ANK3: variants seen among roughly 807,000 people sequenced by gnomAD.
The protein encoded by ANK3 is ankyrin 3, also known as ankyrin-3.
In ANK3, 57 loss-of-function variants were observed where a neutral mutation model predicts 370.9. That is an observed-to-expected ratio of 0.15 (90% CI 0.12 to 0.19). ANK3 has a LOEUF of 0.19. Among genes scored for constraint, ANK3 ranks in the 10% least tolerant of loss-of-function variants. The probability of loss-of-function intolerance (pLI) is 1.00; values close to 1 mark genes in which losing one functional copy is unlikely to be tolerated. For missense variants in ANK3, 4,439 were observed against 5,302.1 expected (o/e 0.84, Z 5.06); for synonymous variants, 1,929 against 1,946.3 (o/e 0.99, Z 0.23).
intron 2 of ANK3, among the ~76,000 whole-genome samples, chr10:60,406,167 C>G (rs1301701765): frequency 6.6e-6 from 1 of 152,176 alleles, no homozygotes; most frequent in Non-Finnish European, 1.5e-5. Context: ...GCTTTCCAGA[C>G]CATACATAAT....
chr10:60,119,711 G>A lies in ANK3; in HGVS notation c.2842-5380C>T, dbSNP rs1029777186. On this transcript the variant is annotated intron_variant, in intron 25 of 43. Coordinates refer to ENST00000280772, the MANE Select transcript of ANK3 (RefSeq NM_020987.5). The stretch of plus-strand genomic sequence containing the variant: ...CGCTTGAACCCGGGGTACAGAAGTC[G>A]CAGTGAGCCGAGATCGTGCCGTTGC... 7.2e-5 allele frequency among the ~76,000 whole-genome samples: 11 copies of A among 152,262 alleles called. No homozygotes were observed. The East Asian group carries it at 7.7e-4, about 11-fold the overall frequency.
At position 60,075,117 on chromosome 10, in the gene ANK3, C is replaced by G. The variant is rs982885248; in HGVS notation, c.5764G>C (p.Asp1922His). 1.2e-6 allele frequency: 2 copies of G among 1,613,998 alleles called. No homozygotes were observed. Reference sequence around the variant, plus strand: ...TGGAATGGCTTCTCCTCAGGCACATCTGTCTGTAGTATTGCGGTCATCCGC... The same window carrying G: ...TGGAATGGCTTCTCCTCAGGCACATGTGTCTGTAGTATTGCGGTCATCCGC... Reference protein sequence around the residue: ...LMRMTAILQTDVPEEKPFQPE... With the variant: ...LMRMTAILQTHVPEEKPFQPE... Residue 1922 changes from aspartate to histidine, a missense_variant, in exon 37 of 44, where the codon GAT (aspartate) becomes CAT (histidine). By Grantham distance (81) the Asp-to-His change is moderately conservative (BLOSUM62 -1). This residue lies in a region of ANK3 where 679 missense variants were observed against 791.0 expected (regional missense o/e 0.86). Coordinates refer to ENST00000280772, the MANE Select transcript of ANK3 (RefSeq NM_020987.5).
intron 28 of ANK3, among the ~76,000 whole-genome samples, chr10:60,104,650 T>C: frequency 6.6e-6 from 1 of 152,216 alleles, no homozygotes; most frequent in Admixed American, 6.5e-5. Flanking sequence ...TCATGAATGC[T>C]AGACACTCAA....
At chr10:60,491,323 G>A (rs2075497442) in intron 2 of ANK3, among the ~76,000 whole-genome samples, 1 of 152,152 alleles carries the variant, frequency 6.6e-6, no homozygotes, top group African/African-American at 2.4e-5. Context: ...TTATTGTCTT[G>A]CATAAATCAA....
chr10:60,491,635 G>A lies in ANK3; in HGVS notation c.96+123551C>T, dbSNP rs778045055. 4.7e-4 allele frequency among the ~76,000 whole-genome samples: 71 copies of A among 152,172 alleles called. 1 individual carries two copies. Among genetic ancestry groups the A allele is most frequent in the Non-Finnish European group, 7.3e-4 (50 of 68,036 alleles). On this transcript the variant is annotated intron_variant, in intron 2 of 43. Coordinates refer to the ANK3 transcript ENST00000373827. ...TTGGGGAACTTAGACATGAAACACA[G>A]TGCAGTAAAATATCTTAAGTGCAAA... is the stretch of plus-strand genomic sequence containing the variant.
rs1187109075 is a variant in ANK3, at chr10:60,722,086, G to A, written c.57+11177C>T. On this transcript the variant is annotated intron_variant, in intron 1 of 43. Transcript: ENST00000373827. ...TGAGACAGACTTAAGTCTCCATGGA[G>A]ACTTAAGTGGACATCCGCACCAACC... 2.0e-5 allele frequency among the ~76,000 whole-genome samples: 3 copies of A among 152,080 alleles called. No individual in the cohort carries two copies. In the East Asian group the frequency reaches 5.8e-4, roughly 29 times the overall value.
chr10:60,487,464 G>A (rs563700356), intron 2 of ANK3, among the ~76,000 whole-genome samples: 69 of 152,286 alleles, frequency 4.5e-4, no homozygotes, highest in Admixed American at 1.4e-3. Flanking sequence ...AATAATTGTT[G>A]AGCATGACAG....
intron 1 of ANK3, among the ~76,000 whole-genome samples, chr10:60,701,803 T>C (rs2079548744): frequency 6.6e-6 from 1 of 152,156 alleles, no homozygotes; most frequent in Admixed American, 6.5e-5. Flanking sequence ...GATGCAAGTA[T>C]ATATATAAAT....
chr10:60,373,970 G>A (rs765639860), intron 1 of ANK3, among the ~76,000 whole-genome samples: 11 of 152,134 alleles, frequency 7.2e-5, no homozygotes, highest in Non-Finnish European at 1.5e-5. Context: ...AAAGTACAGA[G>A]CCCTGGGCAG....
At chr10:60,710,559 G>T (rs996267199) in intron 1 of ANK3, among the ~76,000 whole-genome samples, 2 of 151,722 alleles carry the variant, frequency 1.3e-5, no homozygotes, top group African/African-American at 2.4e-5. Context: ...ACACTACATG[G>T]TTCATCTGTG....
chr10:60,484,190 AAAT>A (rs766041391), intron 2 of ANK3, among the ~76,000 whole-genome samples: 1 of 152,226 alleles, frequency 6.6e-6, no homozygotes, highest in Non-Finnish European at 1.5e-5. Flanking sequence ...TGGAAAAGAA[AAAT>A]AATAAGGAAA....
intron 1 of ANK3, among the ~76,000 whole-genome samples, chr10:60,653,345 A>T (rs1167989153): frequency 6.6e-6 from 1 of 150,978 alleles, no homozygotes; most frequent in Non-Finnish European, 1.5e-5. Context: ...TGGGGTAAAG[A>T]CTGGTGTTAA....
intron 1 of ANK3, among the ~76,000 whole-genome samples, chr10:60,699,098 A>T (rs1445215297): frequency 6.7e-6 from 1 of 149,692 alleles, no homozygotes; most frequent in Non-Finnish European, 1.5e-5. Flanking sequence ...AAGACATAAG[A>T]ATGATACAAG....
At chr10:60,129,692 G>A (rs1011745806) in intron 25 of ANK3, among the ~76,000 whole-genome samples, 1 of 152,156 alleles carries the variant, frequency 6.6e-6, no homozygotes, top group Non-Finnish European at 1.5e-5. Flanking sequence ...GGTGGAGGTT[G>A]CAGTGAGCTG....
chr10:60,065,932 G>T (rs547099642), intron 38 of ANK3, among the ~76,000 whole-genome samples: 1 of 152,170 alleles, frequency 6.6e-6, no homozygotes, highest in African/African-American at 2.4e-5. Flanking sequence ...ATTTAATTTT[G>T]TAGAATGACA....
At chr10:60,440,469 A>G (rs1249894445) in intron 2 of ANK3, among the ~76,000 whole-genome samples, 1 of 152,122 alleles carries the variant, frequency 6.6e-6, no homozygotes, top group Non-Finnish European at 1.5e-5. Flanking sequence ...CTAACCACCA[A>G]ACACTCATAA....
chr10:60,728,280 T>C (rs577704892), intron 1 of ANK3, among the ~76,000 whole-genome samples: 2 of 152,352 alleles, frequency 1.3e-5, no homozygotes, highest in African/African-American at 4.8e-5. Context: ...CCTTGTTTTT[T>C]GGTGAGTGTT....
At chr10:60,492,706 C>CAAAAAA (rs764367710) in intron 2 of ANK3, among the ~76,000 whole-genome samples, 10 of 57,494 alleles carry the variant, frequency 1.7e-4, no homozygotes, top group Non-Finnish European at 2.5e-4. Context: ...GACTCTGTCT[C>CAAAAAA]AAAAAAAAAA....
intron 2 of ANK3, among the ~76,000 whole-genome samples, chr10:60,478,832 A>G (rs1327105911): frequency 6.6e-6 from 1 of 152,150 alleles, no homozygotes; most frequent in African/African-American, 2.4e-5. Context: ...ATTTCCTCAC[A>G]TAAAATAAGG....
Sources: allele counts gnomAD v4.1 joint callset (sites outside exome capture counted in the v4.1 genomes callset), GRCh38; gene constraint gnomAD v4.1.1; regional missense constraint gnomAD v4.1.1; transcripts MANE v1.5; gene names NCBI Gene and HGNC (gene_info 2026-07-23, HGNC 2026-07-21).